MSX1: variants seen among roughly 807,000 people sequenced by gnomAD.
The protein encoded by MSX1 is msh homeobox 1.
In MSX1, 11 loss-of-function variants were observed where a neutral mutation model predicts 17.0. The ratio of observed to expected loss-of-function variants is 0.65; its 90% confidence interval spans 0.41 to 1.07. MSX1 has a LOEUF of 1.07. Among genes scored for constraint, MSX1 ranks in the 50% least tolerant of loss-of-function variants. The pLI is 0.00. For missense variants in MSX1, 477 were observed against 440.1 expected, an observed-to-expected ratio of 1.08 and a Z score of -0.75; for synonymous variants, 253 against 211.8, an observed-to-expected ratio of 1.19 and a Z score of -1.69.
chr4:4,862,568 C>A (rs1737940702), intron 1 of MSX1, 133 bp from the exon 2 acceptor site: 2 of 1,040,656 alleles, frequency 1.9e-6, no homozygotes, highest in Non-Finnish European at 3.0e-6. Context: ...GTGCCTTGCG[C>A]GATGCCCGGC....
At position 4,860,253 on chromosome 4, in the gene MSX1, C is replaced by T. The variant is rs1290677951; in HGVS notation, c.354C>T (p.Phe118=). The T allele has an allele frequency of 2.0e-5, 32 of 1,589,574 alleles. No individual in the cohort carries two copies. Among genetic ancestry groups the T allele is most frequent in the Non-Finnish European group, 2.6e-5 (31 of 1,175,942 alleles). ...CTTCGCCGCGGCCGCTCGGCCATTT[C>T]TCGGTGGGGGGACTCCTCAAGCTGC... ...APSSPRPLGH[F]SVGGLLKLPE... The change falls in exon 1 of 2, where the codon TTC becomes TTT. Residue 118 remains phenylalanine (F), a synonymous_variant. Transcript: ENST00000382723.
Position 4,863,343 on chromosome 4 carries a change from T to TGATA in MSX1, c.*200_*201insGATA. On this transcript the variant is annotated 3_prime_UTR_variant, in exon 2 of 2. Coordinates refer to ENST00000382723, the MANE Select transcript of MSX1 (RefSeq NM_002448.3). ...AGTGGCTGGAAGAGTCCCTTAGTAC[T>TGATA]CTTCTAGCATTTAGATCTACACTCT... is the stretch of plus-strand genomic sequence containing the variant. 3.0e-6 allele frequency: 1 copy of TGATA among 335,322 alleles called. No homozygotes were observed. The highest frequency in any genetic ancestry group is 5.1e-6 in the Non-Finnish European group (1 of 194,268). 20.8% of individuals were successfully genotyped at this position (335,322 alleles called of 1,614,324 possible).
rs774123783 is a variant in MSX1, at chr4:4,859,896, C to T, written c.-4C>T. On this transcript the variant is annotated 5_prime_UTR_variant, in exon 1 of 2. Coordinates refer to ENST00000382723, the MANE Select transcript of MSX1 (RefSeq NM_002448.3). Reference sequence around the variant, plus strand: ...CTGCGGCAGAAGGGGGGGCCCGGCTCTGCATGGCCCCGGCTGCTGACATGA... The same window carrying T: ...CTGCGGCAGAAGGGGGGGCCCGGCTTTGCATGGCCCCGGCTGCTGACATGA... 6.7e-6 allele frequency: 10 copies of T among 1,488,596 alleles called. No homozygotes were observed. The highest frequency in any genetic ancestry group is 4.5e-6 in the Non-Finnish European group (5 of 1,119,460). 92.2% of individuals were successfully genotyped at this position (1,488,596 alleles called of 1,614,324 possible).
intron 1 of MSX1, among the ~76,000 whole-genome samples, chr4:4,861,786 A>G (rs1251306680): frequency 6.6e-6 from 1 of 152,152 alleles, no homozygotes; most frequent in Non-Finnish European, 1.5e-5. Context: ...TCCACCCTTG[A>G]GGTTTATTTT....
At chr4:4,861,557 T>A (rs1737916282) in intron 1 of MSX1, among the ~76,000 whole-genome samples, 1 of 152,274 alleles carries the variant, frequency 6.6e-6, no homozygotes. Context: ...AAAACCCGCG[T>A]GGTGAAACAT....
chr4:4,862,666 T>A (rs375628758), intron 1 of MSX1, 35 bp from the exon 2 acceptor site: 3 of 1,601,730 alleles, frequency 1.9e-6, no homozygotes, highest in Non-Finnish European at 2.5e-6. Context: ...TGCTTCTCTC[T>A]TAACCCCTTG....
intron 1 of MSX1, 21 bp downstream of exon 1, chr4:4,860,389 C>T (rs773308667): frequency 1.3e-6 from 2 of 1,573,316 alleles, no homozygotes; most frequent in Admixed American, 1.7e-5. Context: ...AGAACCCAGG[C>T]GCAGAGGGAG....
intron 1 of MSX1, 88 bp downstream of exon 1, chr4:4,860,456 G>A (rs1320947950): frequency 3.4e-6 from 5 of 1,485,534 alleles, no homozygotes; most frequent in Admixed American, 1.9e-5. Flanking sequence ...GTGGCCTCCG[G>A]CGCCTGCGTA....
intron 1 of MSX1, 71 bp from the exon 2 acceptor site, chr4:4,862,630 T>A (rs777683038): frequency 4.5e-6 from 7 of 1,557,100 alleles, no homozygotes; most frequent in Middle Eastern, 1.7e-4. Context: ...CTATTATTAC[T>A]ACTTCTTGGG....
chr4:4,862,537 A>C, intron 1 of MSX1, 164 bp from the exon 2 acceptor site: 3 of 867,582 alleles, frequency 3.5e-6, no homozygotes, highest in Non-Finnish European at 3.9e-6. Flanking sequence ...TGCAATGGGA[A>C]TTGGAGAAAA....
intron 1 of MSX1, among the ~76,000 whole-genome samples, chr4:4,860,889 G>A (rs1261830692): frequency 6.6e-6 from 1 of 152,200 alleles, no homozygotes; most frequent in Non-Finnish European, 1.5e-5. Context: ...TGCTTTGGGC[G>A]GATGGATGAT....
rs997911688 is a variant in MSX1 at position 4,859,714 on chromosome 4, A to G, written c.-186A>G. 2.9e-5 allele frequency: 7 copies of G among 243,224 alleles called. No homozygotes were observed. The highest frequency in any genetic ancestry group is 3.6e-5 in the Non-Finnish European group (5 of 137,846). The allele number at this position is 243,224 out of a possible 1,614,324, so 15.1% of individuals were successfully genotyped here. On this transcript the variant is annotated 5_prime_UTR_variant, in exon 1 of 2. Transcript: ENST00000382723. ...CCGGGAACTCTGCCTGCGCGGCGGC[A>G]GCGACCGGAGGCCAGGCCCAGCACG...
intron 1 of MSX1, among the ~76,000 whole-genome samples, chr4:4,861,421 T>G (rs1737914285): frequency 6.6e-6 from 1 of 152,246 alleles, no homozygotes; most frequent in Non-Finnish European, 1.5e-5. Flanking sequence ...ACACGAGATT[T>G]CGTTTGACTC....
intron 1 of MSX1, among the ~76,000 whole-genome samples, chr4:4,860,731 T>A (rs1162729080): frequency 3.9e-5 from 6 of 152,214 alleles, no homozygotes. Context: ...TGCGGTATCT[T>A]CCCTGCACCC....
rs745492590 is a variant in MSX1, at chr4:4,860,877, G to A, written c.469+509G>A. Among the ~76,000 whole-genome samples the A allele has an allele frequency of 3.2e-4, 49 of 152,206 alleles. 1 individual carries two copies. Among genetic ancestry groups the A allele is most frequent in the Non-Finnish European group, 1.0e-4 (7 of 68,028 alleles). ...CCCTTTGAGTTTGAGGCAGATAGTT[G>A]GTGCTTTGGGCGGATGGATGATTCA... On this transcript the variant is annotated intron_variant, in intron 1 of 1. Coordinates refer to ENST00000382723, the MANE Select transcript of MSX1 (RefSeq NM_002448.3).
chr4:4,863,325 GGAAGAGTCCC>G lies in MSX1; in HGVS notation c.*183_*192del. On this transcript the variant is annotated 3_prime_UTR_variant, in exon 2 of 2. Transcript: ENST00000382723. ...GTCTGATCCCTGCCAAAAAGTGGCT[GGAAGAGTCCC>G]TTAGTACTCTTCTAGCATTTAGATC... 1 of 641,502 alleles carries G rather than the reference GGAAGAGTCCC, an allele frequency of 1.6e-6. No individual in the cohort carries two copies. Among genetic ancestry groups the G allele is most frequent in the Non-Finnish European group, 2.7e-6 (1 of 368,346 alleles). 39.7% of individuals were successfully genotyped at this position (641,502 alleles called of 1,614,324 possible).
rs1467307012 is a variant in MSX1, at chr4:4,862,998, C to G, written c.767C>G (p.Pro256Arg). ...LPPAAFGLSF[P>R]LGGPAAVAAA... Reference sequence around the variant, plus strand: ...CCGGCTGCCTTCGGCCTCTCCTTCCCTCTCGGCGGCCCCGCAGCTGTAGCG... The same window carrying G: ...CCGGCTGCCTTCGGCCTCTCCTTCCGTCTCGGCGGCCCCGCAGCTGTAGCG... The change falls in exon 2 of 2, where the codon CCT becomes CGT. Residue 256 changes from proline to arginine, a missense_variant. This residue lies in a region of MSX1 where 114 missense variants were observed against 106.3 expected (regional missense o/e 1.07). Transcript: ENST00000382723. 1 of 1,612,604 alleles carries G rather than the reference C, an allele frequency of 6.2e-7. No homozygotes were observed. The highest frequency in any genetic ancestry group is 8.5e-7 in the Non-Finnish European group (1 of 1,179,808).
In MSX1 at chr4:4,862,840, G is replaced by C. The variant is rs1435101199; in HGVS notation, c.609G>C (p.Ala203=). Residue 203 remains alanine (A), a synonymous_variant, in exon 2 of 2, where the codon GCG becomes GCC. Transcript: ENST00000382723. ...AGTACCTGTCCATCGCCGAGCGCGC[G>C]GAGTTCTCCAGCTCGCTCAGCCTCA... ...QKQYLSIAER[A]EFSSSLSLTE... 6 of 1,613,690 alleles carry C rather than the reference G, an allele frequency of 3.7e-6. No homozygotes were observed. Among genetic ancestry groups the C allele is most frequent in the Non-Finnish European group, 5.1e-6 (6 of 1,180,032 alleles).
chr4:4,860,327 C>A lies in MSX1; in HGVS notation c.428C>A (p.Thr143Asn). 6.2e-7 allele frequency: 1 copy of A among 1,604,618 alleles called. No homozygotes were observed. The highest frequency in any genetic ancestry group is 8.5e-7 in the Non-Finnish European group (1 of 1,179,644). ...GAGAGCCCCGAGAAGCCCGAGAGGA[C>A]CCCGTGGATGCAGAGCCCCCGCTTC... The part of the protein sequence containing the change: ...KAESPEKPER[T>N]PWMQSPRFSP... Residue 143 changes from threonine to asparagine, a missense_variant, in exon 1 of 2, where the codon ACC (threonine) becomes AAC (asparagine). Thr to Asn is a moderately conservative substitution (Grantham distance 65). Around this residue, in one of 3 missense-constraint regions of MSX1, gnomAD observed 355 missense variants for 306.1 expected, o/e 1.16. Coordinates refer to ENST00000382723, the MANE Select transcript of MSX1 (RefSeq NM_002448.3).
Sources: gnomAD v4.1 joint callset for allele counts (sites outside exome capture counted in the v4.1 genomes callset) on GRCh38, gnomAD v4.1.1 for gene constraint, gnomAD v4.1.1 regional missense constraint, MANE v1.5 for transcripts, NCBI Gene and HGNC (gene_info 2026-07-23, HGNC 2026-07-21) for gene names.